Variants in SMAP1 observed in about 807,000 individuals in gnomAD.
SMAP1 encodes stromal membrane-associated protein 1.
Under a neutral mutation model 58.5 loss-of-function variants are expected in SMAP1, and 24 were observed. That is an observed-to-expected ratio of 0.41 (90% CI 0.30 to 0.58). The LOEUF (loss-of-function observed/expected upper bound fraction) is 0.58, where lower values mean the gene tolerates loss of function less well. SMAP1 is among the 20% of genes least tolerant of loss of function. SMAP1 has a pLI of 0.29. For missense variants in SMAP1, 563 were observed against 566.3 expected (o/e 0.99, Z 0.06); for synonymous variants, 216 against 196.6 (o/e 1.10, Z -0.82).
At chr6:70,850,918 T>C (rs1295814785) in intron 7 of SMAP1, among the ~76,000 whole-genome samples, 1 of 152,166 alleles carries the variant, frequency 6.6e-6, no homozygotes. Context: ...ATATTGCCAT[T>C]TGAAAGGGTT....
intron 1 of SMAP1, among the ~76,000 whole-genome samples, chr6:70,679,194 T>C (rs1766602530): frequency 6.6e-6 from 1 of 152,100 alleles, no homozygotes; most frequent in African/African-American, 2.4e-5. Context: ...AATTTTTGTA[T>C]TTTTGGTAGA....
intron 1 of SMAP1, among the ~76,000 whole-genome samples, chr6:70,717,828 T>C (rs538302804): frequency 6.6e-6 from 1 of 152,212 alleles, no homozygotes; most frequent in Non-Finnish European, 1.5e-5. Context: ...AAGAATTGGT[T>C]CTCCTTTTTC....
chr6:70,781,177 T>G (rs1290803753), intron 4 of SMAP1, among the ~76,000 whole-genome samples: 1 of 152,174 alleles, frequency 6.6e-6, no homozygotes, highest in Admixed American at 6.5e-5. Context: ...ACTTAAAATT[T>G]TTTTAAGTTT....
intron 7 of SMAP1, among the ~76,000 whole-genome samples, chr6:70,838,277 C>A (rs989909501): frequency 2.0e-5 from 3 of 152,040 alleles, no homozygotes; most frequent in Admixed American, 2.0e-4. Context: ...TAATCTAGGC[C>A]TGATTCATAT....
At chr6:70,764,817 T>C (rs1766896261) in intron 3 of SMAP1, among the ~76,000 whole-genome samples, 1 of 152,160 alleles carries the variant, frequency 6.6e-6, no homozygotes, top group African/African-American at 2.4e-5. Flanking sequence ...TTTCTTTTTT[T>C]TTGACAGGGT....
intron 6 of SMAP1, among the ~76,000 whole-genome samples, chr6:70,799,865 A>G (rs1233048979): frequency 2.0e-5 from 3 of 152,172 alleles, no homozygotes; most frequent in Non-Finnish European, 4.4e-5. Flanking sequence ...CAAAGTGTAT[A>G]CCAAAGGTAC....
chr6:70,742,844 G>A (rs575695386), intron 2 of SMAP1, among the ~76,000 whole-genome samples: 33 of 152,298 alleles, frequency 2.2e-4, no homozygotes, highest in Non-Finnish European at 4.0e-4. Flanking sequence ...TCACATGGCG[G>A]CAGACAATAG....
At chr6:70,780,653 G>A (rs1767726214) in intron 4 of SMAP1, among the ~76,000 whole-genome samples, 1 of 152,120 alleles carries the variant, frequency 6.6e-6, no homozygotes, top group South Asian at 2.1e-4. Context: ...GAATCACAAT[G>A]GGAAGCAAAG....
chr6:70,684,119 T>G (rs138100550), intron 1 of SMAP1, among the ~76,000 whole-genome samples: 138 of 152,362 alleles, frequency 9.1e-4, no homozygotes, highest in Non-Finnish European at 1.6e-3. Context: ...GATTATCTAT[T>G]ATTTAGCCAA....
At position 70,805,315 on chromosome 6, in the gene SMAP1, G is replaced by A. The variant is rs141548256; in HGVS notation, c.576+6578G>A. Among the ~76,000 whole-genome samples, 262 of 152,070 alleles carry A rather than the reference G, an allele frequency of 1.7e-3. 1 individual carries two copies. The highest frequency in any genetic ancestry group is 6.8e-3 in the Middle Eastern group (2 of 294). ...ATCAGCTATTGAAGCTTGTGCATGC[G>A]TCACAAAGTTCTCGTGCCATGGCTT... On this transcript the variant is annotated intron_variant, in intron 6 of 10. Coordinates refer to ENST00000370455, the MANE Select transcript of SMAP1 (RefSeq NM_001044305.3).
At chr6:70,750,510 T>G (rs1053861897) in intron 2 of SMAP1, among the ~76,000 whole-genome samples, 1 of 152,226 alleles carries the variant, frequency 6.6e-6, no homozygotes, top group African/African-American at 2.4e-5. Flanking sequence ...ATGCTAAAAC[T>G]GTGATTGGGT....
chr6:70,710,559 G>T (rs1768014716), intron 1 of SMAP1, among the ~76,000 whole-genome samples: 1 of 151,026 alleles, frequency 6.6e-6, no homozygotes, highest in African/African-American at 2.4e-5. Flanking sequence ...CATGATTGGA[G>T]CTTGCAGAAT....
Position 70,861,615 on chromosome 6 carries a change from C to T in SMAP1, c.*1281C>T. The T allele has an allele frequency of 6.5e-7, 1 of 1,543,232 alleles. No homozygotes were observed. Among genetic ancestry groups the T allele is most frequent in the African/African-American group, 1.4e-5 (1 of 73,558 alleles). On this transcript the variant is annotated 3_prime_UTR_variant, in exon 11 of 11. Coordinates refer to ENST00000370455, the MANE Select transcript of SMAP1 (RefSeq NM_001044305.3). ...TAGCCTAAACTCCAAACATCCTCTT[C>T]CATATGGATCCACTGGCTGGACAAA... is the stretch of plus-strand genomic sequence containing the variant.
At chr6:70,740,954 A>G (rs556759012) in intron 2 of SMAP1, among the ~76,000 whole-genome samples, 1 of 152,292 alleles carries the variant, frequency 6.6e-6, no homozygotes, top group African/African-American at 2.4e-5. Context: ...ATTGACTCTC[A>G]TGAGACTTAC....
At chr6:70,760,523 C>T (rs1766705755) in intron 3 of SMAP1, among the ~76,000 whole-genome samples, 1 of 151,962 alleles carries the variant, frequency 6.6e-6, no homozygotes, top group South Asian at 2.1e-4. Flanking sequence ...GTTATTATAA[C>T]AATACTTTTT....
chr6:70,678,491 C>CA (rs979367442), intron 1 of SMAP1, among the ~76,000 whole-genome samples: 1 of 151,930 alleles, frequency 6.6e-6, no homozygotes, highest in African/African-American at 2.4e-5. Context: ...TGCACAGTGA[C>CA]AAAAAAATTA....
chr6:70,704,859 G>T (rs908978981), intron 1 of SMAP1, among the ~76,000 whole-genome samples: 1 of 152,158 alleles, frequency 6.6e-6, no homozygotes, highest in African/African-American at 2.4e-5. Context: ...AAAAGCAAAA[G>T]TTCTAATATA....
In SMAP1 at chr6:70,702,620, T is replaced by TTTC. The variant is rs558995384; in HGVS notation, c.119-29737_119-29735dup. 5.8e-3 allele frequency among the ~76,000 whole-genome samples: 877 copies of TTTC among 151,992 alleles called. 4 individuals are homozygous for TTTC. The highest frequency in any genetic ancestry group is 8.2e-3 in the Non-Finnish European group (557 of 67,972). On this transcript the variant is annotated intron_variant, in intron 1 of 10. Coordinates refer to ENST00000370455, the MANE Select transcript of SMAP1 (RefSeq NM_001044305.3). ...CTCTTCTTCACATGTTCAGCCTTTCTTTCTTCTTCTTCTTCTTCTTCTTTT... is the reference window on the plus strand; with the variant it reads ...CTCTTCTTCACATGTTCAGCCTTTCTTTCTTCTTCTTCTTCTTCTTCTTCTTTT...
intron 6 of SMAP1, among the ~76,000 whole-genome samples, chr6:70,817,071 C>T (rs537011007): frequency 1.3e-5 from 2 of 151,170 alleles, no homozygotes; most frequent in Non-Finnish European, 2.9e-5. Context: ...GACAGGACCC[C>T]TTTCCCAGAA....
Sources: gnomAD v4.1 joint callset for allele counts (sites outside exome capture counted in the v4.1 genomes callset) on GRCh38, gnomAD v4.1.1 for gene constraint, MANE v1.5 for transcripts, NCBI Gene and HGNC (gene_info 2026-07-23, HGNC 2026-07-21) for gene names.